Variants in SLC35D1 observed in about 807,000 individuals in gnomAD.
SLC35D1 encodes the protein nucleotide sugar transporter SLC35D1.
A neutral mutation model predicts 46.7 loss-of-function variants in SLC35D1; 31 were observed. The observed-to-expected ratio is 0.66, with a 90% confidence interval of 0.50 to 0.90. The LOEUF is 0.90. Ranked by LOEUF, SLC35D1 falls within the 40% of genes least tolerant of loss-of-function variation. SLC35D1 has a pLI of 0.00. For missense variants in SLC35D1, 397 were observed against 426.2 expected, an observed-to-expected ratio of 0.93 and a Z score of 0.60; for synonymous variants, 195 against 164.6, an observed-to-expected ratio of 1.18 and a Z score of -1.41.
chr1:66,981,074 A>G, the SLC35D1 span, among the ~76,000 whole-genome samples: 9 of 128,010 alleles, frequency 7.0e-5, no homozygotes, highest in African/African-American at 3.2e-4. Flanking sequence ...ATATAATACA[A>G]TAACCATGTG....
chr1:67,001,768 C>CT lies in SLC35D1; in HGVS notation c.*2571dup, dbSNP rs1667345351. 6.6e-6 allele frequency: 1 copy of CT among 152,462 alleles called. No homozygotes were observed. Among genetic ancestry groups the CT allele is most frequent in the African/African-American group, 2.4e-5 (1 of 41,464 alleles). The allele number at this position is 152,462 out of a possible 1,614,324, so 9.4% of individuals were successfully genotyped here. On this transcript the variant is annotated 3_prime_UTR_variant, in exon 12 of 12. Transcript: ENST00000235345. The stretch of plus-strand genomic sequence containing the variant: ...CTCCAAAAGACTATTCAGTCTCCAG[C>CT]TTGTTCACCCTGCTCCATCTTGCAA...
chr1:66,985,364 AT>A, the SLC35D1 span: 3 of 985,082 alleles, frequency 3.0e-6, no homozygotes, highest in African/African-American at 5.2e-5. Flanking sequence ...TAAAACAGAC[AT>A]TTTTCTCACC....
At chr1:67,042,390 C>T in intron 7 of SLC35D1, 62 bp from the exon 8 acceptor site, 3 of 1,286,752 alleles carry the variant, frequency 2.3e-6, no homozygotes, top group Non-Finnish European at 3.4e-6. Context: ...CAACACTGTA[C>T]AAAATACCAC....
At chr1:66,994,963 AAC>A (rs1558144210), downstream of SLC35D1, among the ~76,000 whole-genome samples, 2 of 151,950 alleles carry the variant, frequency 1.3e-5, no homozygotes, top group East Asian at 1.9e-4. Flanking sequence ...AAAAAAGAGA[AAC>A]AGTCTTATCA....
chr1:66,998,625 G>A (rs973429224), downstream of SLC35D1, among the ~76,000 whole-genome samples: 4 of 152,112 alleles, frequency 2.6e-5, no homozygotes, highest in African/African-American at 9.7e-5. Flanking sequence ...TAAACAAAAT[G>A]GTACACATAC....
At position 67,047,305 on chromosome 1, in the gene SLC35D1, G is replaced by A. The variant is rs1367006457; in HGVS notation, c.596C>T (p.Ala199Val). Residue 199 changes from alanine to valine, a missense_variant, in exon 7 of 12, where the codon GCA becomes GTA. Transcript: ENST00000235345. The stretch of plus-strand genomic sequence containing the variant: ...TTGTTTTACGTATGCACCATTTGCT[G>A]CTGTTAGGACATCGTTTATCAGAAT... ...AFILINDVLT[A>V]ANGAYVKQKL... The A allele has an allele frequency of 1.2e-6, 2 of 1,613,424 alleles. No homozygotes were observed. Among genetic ancestry groups the A allele is most frequent in the Admixed American group, 3.3e-5 (2 of 60,010 alleles).
chr1:67,041,855 G>C (rs1020318683), intron 8 of SLC35D1, among the ~76,000 whole-genome samples: 1 of 152,004 alleles, frequency 6.6e-6, no homozygotes, highest in Non-Finnish European at 1.5e-5. Flanking sequence ...GCAATGCCTA[G>C]CATTTTGTTT....
At chr1:67,044,165 G>T (rs577111256) in intron 7 of SLC35D1, among the ~76,000 whole-genome samples, 1 of 151,914 alleles carries the variant, frequency 6.6e-6, no homozygotes, top group Non-Finnish European at 1.5e-5. Context: ...GAGTAACCCC[G>T]TCTCTACTAA....
intron 10 of SLC35D1, among the ~76,000 whole-genome samples, chr1:67,012,039 G>T (rs1225797392): frequency 6.6e-6 from 1 of 152,086 alleles, no homozygotes; most frequent in Non-Finnish European, 1.5e-5. Flanking sequence ...CTCTCTCTTG[G>T]TCTCTGCCAT....
chr1:66,997,898 C>T (rs1667260527), downstream of SLC35D1, among the ~76,000 whole-genome samples: 1 of 151,134 alleles, frequency 6.6e-6, no homozygotes, highest in Non-Finnish European at 1.5e-5. Flanking sequence ...AGAATTCTTA[C>T]AACTAAACAT....
the SLC35D1 span, among the ~76,000 whole-genome samples, chr1:66,975,692 C>G: frequency 6.6e-6 from 1 of 152,100 alleles, no homozygotes; most frequent in Non-Finnish European, 1.5e-5. Flanking sequence ...AGGCATTTAA[C>G]ATTATGTGAG....
chr1:66,978,656 A>G, the SLC35D1 span, among the ~76,000 whole-genome samples: 1 of 152,204 alleles, frequency 6.6e-6, no homozygotes, highest in African/African-American at 2.4e-5. Context: ...TATTTTTTTC[A>G]ACCATTTCAG....
chr1:67,024,648 A>AT (rs955114458), intron 8 of SLC35D1, among the ~76,000 whole-genome samples: 2 of 151,888 alleles, frequency 1.3e-5, no homozygotes, highest in African/African-American at 2.4e-5. Flanking sequence ...AATCTTTGGT[A>AT]TTTTTTTAGC....
the SLC35D1 span, among the ~76,000 whole-genome samples, chr1:66,983,255 T>G: frequency 6.6e-6 from 1 of 152,240 alleles, no homozygotes; most frequent in Admixed American, 6.5e-5. Flanking sequence ...ATTTTTGACC[T>G]AATCACAGTC....
intron 8 of SLC35D1, 79 bp from the exon 9 acceptor site, chr1:67,021,681 C>G (rs1426082821): frequency 7.2e-6 from 8 of 1,115,696 alleles, no homozygotes; most frequent in South Asian, 1.3e-5. Flanking sequence ...AATCCTTCTA[C>G]GAGTCTGCCT....
chr1:66,991,510 A>ACTT, the SLC35D1 span, among the ~76,000 whole-genome samples: 1 of 152,180 alleles, frequency 6.6e-6, no homozygotes, highest in African/African-American at 2.4e-5. Context: ...TATGTGACAA[A>ACTT]CTTAGGAAGT....
At chr1:67,046,367 C>T (rs1422932761) in intron 7 of SLC35D1, among the ~76,000 whole-genome samples, 21 of 152,186 alleles carry the variant, frequency 1.4e-4, no homozygotes, top group Admixed American at 9.8e-4. Flanking sequence ...CAGAAACATT[C>T]TACACATAAT....
intron 3 of SLC35D1, among the ~76,000 whole-genome samples, chr1:67,052,305 C>T (rs905678131): frequency 1.6e-4 from 25 of 152,212 alleles, no homozygotes; most frequent in African/African-American, 6.0e-4. Flanking sequence ...GGAGAAAAGA[C>T]AGAAATATGA....
the SLC35D1 span, among the ~76,000 whole-genome samples, chr1:66,993,571 A>G: frequency 1.3e-5 from 2 of 152,200 alleles, no homozygotes; most frequent in Non-Finnish European, 2.9e-5. Context: ...CATATACTTT[A>G]CTGCTTGTTC....
Sources: allele counts gnomAD v4.1 joint callset (sites outside exome capture counted in the v4.1 genomes callset), GRCh38; gene constraint gnomAD v4.1.1; transcripts MANE v1.5; gene names NCBI Gene and HGNC (gene_info 2026-07-23, HGNC 2026-07-21).